C16orf95: variants seen among roughly 807,000 people sequenced by gnomAD.
The protein encoded by C16orf95 is uncharacterized protein C16orf95.
A neutral mutation model predicts 32.1 loss-of-function variants in C16orf95; 41 were observed. The ratio of observed to expected loss-of-function variants is 1.28; its 90% confidence interval spans 1.00 to 1.66. The LOEUF is 1.66. Ranked by LOEUF, C16orf95 falls within the 40% of genes most tolerant of loss-of-function variation. The pLI is 0.00. For missense variants in C16orf95, 399 were observed against 325.9 expected (o/e 1.22, Z -1.73); for synonymous variants, 147 against 128.9 (o/e 1.14, Z -0.95).
intron 5 of C16orf95, among the ~76,000 whole-genome samples, chr16:87,307,803 G>A (rs867046384): frequency 2.0e-5 from 3 of 152,104 alleles, no homozygotes; most frequent in African/African-American, 7.2e-5. Flanking sequence ...TATCAACTTT[G>A]TTTCTCAACA....
At chr16:87,307,477 G>T (rs999103740) in intron 5 of C16orf95, among the ~76,000 whole-genome samples, 3 of 152,174 alleles carry the variant, frequency 2.0e-5, no homozygotes, top group African/African-American at 4.8e-5. Flanking sequence ...GATAAAAATA[G>T]GCCAGGCACG....
In C16orf95 at chr16:87,305,951, A is replaced by C; in HGVS notation, c.515-46T>G. ...TTGAGGACAGGGCGTGTTCTCCGGG[A>C]CTCTGTGAGCCACGAGGAGGCTGCA... On this transcript the variant is annotated intron_variant, in intron 5 of 6. Transcript: ENST00000567970. This position sits in a 1 kb window ranked among gnomAD's most constrained non-coding sequence, Gnocchi z 4.2. The C allele has an allele frequency of 7.4e-7, 1 of 1,345,562 alleles. No homozygotes were observed. The highest frequency in any genetic ancestry group is 9.6e-7 in the Non-Finnish European group (1 of 1,045,338). The allele number at this position is 1,345,562 out of a possible 1,614,324, so 83.4% of individuals were successfully genotyped here.
intron 5 of C16orf95, among the ~76,000 whole-genome samples, chr16:87,307,102 C>T (rs1911063380): frequency 6.6e-6 from 1 of 152,138 alleles, no homozygotes; most frequent in African/African-American, 2.4e-5. Context: ...TTCCAGGGAC[C>T]CCAACTCCAT....
chr16:87,314,602 G>A (rs943712553), intron 3 of C16orf95, among the ~76,000 whole-genome samples: 1 of 152,170 alleles, frequency 6.6e-6, no homozygotes. Flanking sequence ...GTGGGTTCAG[G>A]GGGGAATACC....
intron 5 of C16orf95, among the ~76,000 whole-genome samples, chr16:87,307,513 C>CT (rs1404540662): frequency 2.6e-5 from 4 of 152,200 alleles, no homozygotes; most frequent in Admixed American, 1.3e-4. Flanking sequence ...CATCCCAGCA[C>CT]TTTGGGAAGC....
Position 87,317,345 on chromosome 16 carries a change from G to A in C16orf95, c.-103C>T. On this transcript the variant is annotated 5_prime_UTR_variant, in exon 1 of 7. Transcript: ENST00000567970. ...TCCTGCCCCAGGAGGAACCCAACCC[G>A]AGCTCAACCCCAGCCCCAACCTCAA... The A allele has an allele frequency of 2.8e-6, 4 of 1,427,552 alleles. No individual in the cohort carries two copies. Among genetic ancestry groups the A allele is most frequent in the Admixed American group, 5.5e-5 (2 of 36,074 alleles). 88.4% of individuals were successfully genotyped at this position (1,427,552 alleles called of 1,614,324 possible).
At chr16:87,313,593 C>T (rs1429910552) in intron 3 of C16orf95, among the ~76,000 whole-genome samples, 1 of 151,802 alleles carries the variant, frequency 6.6e-6, no homozygotes. Context: ...AAATTAGCCT[C>T]GTATGGTGGT....
chr16:87,306,603 G>GT (rs1352639518), intron 5 of C16orf95, among the ~76,000 whole-genome samples: 2 of 152,260 alleles, frequency 1.3e-5, no homozygotes, highest in East Asian at 3.9e-4. Flanking sequence ...AAGAAAAAAT[G>GT]TAAGATCAGA....
intron 5 of C16orf95, 57 bp downstream of exon 5, chr16:87,310,240 C>A (rs1480985099): frequency 1.3e-6 from 2 of 1,517,956 alleles, no homozygotes; most frequent in African/African-American, 1.4e-5. Context: ...ATGATGCTCA[C>A]GAACCCCACC....
rs967484136 is a variant in C16orf95, at chr16:87,311,131, G to C, written c.477+19C>G. The C allele has an allele frequency of 4.7e-6, 7 of 1,500,982 alleles. No homozygotes were observed. In the African/African-American group the frequency reaches 8.3e-5, roughly 18 times the overall value. The allele number at this position is 1,500,982 out of a possible 1,614,324, so 93.0% of individuals were successfully genotyped here. On this transcript the variant is annotated intron_variant, in intron 4 of 6. Transcript: ENST00000567970. ...ACCTCACTCTTCAGTTCTCACTGCAGTGTGCGCCTCCTCCTTACCTGCTGC... is the reference window on the plus strand; with the variant it reads ...ACCTCACTCTTCAGTTCTCACTGCACTGTGCGCCTCCTCCTTACCTGCTGC...
At chr16:87,307,064 T>TG (rs1320187086) in intron 5 of C16orf95, among the ~76,000 whole-genome samples, 4 of 152,202 alleles carry the variant, frequency 2.6e-5, no homozygotes, top group Non-Finnish European at 5.9e-5. Context: ...CCCCTGCCTC[T>TG]GGGGGTTCCA....
chr16:87,302,855 C>G lies in C16orf95; in HGVS notation c.*202G>C. On this transcript the variant is annotated 3_prime_UTR_variant, in exon 7 of 7. Transcript: ENST00000567970. ...TAACATTTATTGACCACATTCATAACAGAAACTCACCCACATTCACATGAA... is the reference window on the plus strand; with the variant it reads ...TAACATTTATTGACCACATTCATAAGAGAAACTCACCCACATTCACATGAA... 2 of 608,566 alleles carry G rather than the reference C, an allele frequency of 3.3e-6. No individual in the cohort carries two copies. The highest frequency in any genetic ancestry group is 5.9e-6 in the Non-Finnish European group (2 of 339,598). 37.7% of individuals were successfully genotyped at this position (608,566 alleles called of 1,614,324 possible). A position where few individuals can be genotyped will look rare whatever the true frequency, so the allele number is the denominator to read the frequency against.
chr16:87,311,522 G>A (rs1044812043), intron 3 of C16orf95, among the ~76,000 whole-genome samples: 12 of 152,186 alleles, frequency 7.9e-5, no homozygotes, highest in Non-Finnish European at 1.5e-4. Context: ...CGGGACCTCC[G>A]TGGCTCACCT....
chr16:87,306,057 T>A, intron 5 of C16orf95, 152 bp from the exon 6 acceptor site: 1 of 510,400 alleles, frequency 2.0e-6, no homozygotes, highest in Non-Finnish European at 3.2e-6. Flanking sequence ...GACCCGGAGC[T>A]CACGAGATAA....
chr16:87,310,457 C>T lies in C16orf95; in HGVS notation c.478-124G>A, dbSNP rs75718460. 3.9e-3 allele frequency: 3,618 copies of T among 930,102 alleles called. 100 individuals are homozygous for T. The African/African-American group carries it at 0.053, about 14-fold the overall frequency. 57.6% of individuals were successfully genotyped at this position (930,102 alleles called of 1,614,324 possible). A position where few individuals can be genotyped will look rare whatever the true frequency, so the allele number is the denominator to read the frequency against. On this transcript the variant is annotated intron_variant, in intron 4 of 6. Transcript: ENST00000567970. ...AGCTCAAGATAAAAGCCAAGGGCTC[C>T]TCCTTATGAGGTCTGCGGGCTCTTT...
At chr16:87,309,605 A>T (rs1254815323) in intron 5 of C16orf95, among the ~76,000 whole-genome samples, 5 of 151,922 alleles carry the variant, frequency 3.3e-5, no homozygotes, top group Admixed American at 2.6e-4. Context: ...GCTGGTCTCA[A>T]ACTCCTAAGC....
chr16:87,315,661 T>C (rs1365815840), intron 2 of C16orf95, 111 bp downstream of exon 2: 5 of 835,960 alleles, frequency 6.0e-6, no homozygotes, highest in Non-Finnish European at 8.7e-6. Context: ...ACTTTTGTGT[T>C]TGGAGGATTC....
At chr16:87,310,463 A>G (rs1325424710) in intron 4 of C16orf95, 130 bp from the exon 5 acceptor site, 2 of 861,344 alleles carry the variant, frequency 2.3e-6, no homozygotes, top group East Asian at 5.3e-5. Flanking sequence ...GCTCCTCCTT[A>G]TGAGGTCTGC....
intron 2 of C16orf95, 95 bp downstream of exon 2, chr16:87,315,677 T>G (rs1904315845): frequency 8.3e-6 from 8 of 963,084 alleles, no homozygotes; most frequent in Non-Finnish European, 1.2e-5. Context: ...GATTCTCTCA[T>G]GGGATGCAGC....
Sources: allele counts gnomAD v4.1 joint callset (sites outside exome capture counted in the v4.1 genomes callset), GRCh38; gene constraint gnomAD v4.1.1; non-coding constraint Gnocchi (gnomAD v3.1); transcripts MANE v1.5; gene names NCBI Gene and HGNC (gene_info 2026-07-23, HGNC 2026-07-21).